IFT172: variants seen among roughly 807,000 people sequenced by gnomAD.
IFT172 encodes the protein intraflagellar transport protein 172 homolog.
IFT172 carries 164 observed loss-of-function variants against 248.9 expected under a neutral mutation model. The ratio of observed to expected loss-of-function variants is 0.66; its 90% CI spans 0.58 to 0.75. The LOEUF (loss-of-function observed/expected upper bound fraction) is 0.75. Ranked by LOEUF, IFT172 falls within the 30% of genes least tolerant of loss-of-function variation. IFT172 has a pLI of 0.00. For missense variants in IFT172, 1,950 were observed against 2,192.4 expected, an observed-to-expected ratio of 0.89 and a Z score of 2.21; for synonymous variants, 729 against 791.6, an observed-to-expected ratio of 0.92 and a Z score of 1.33.
intron 42 of IFT172, among the ~76,000 whole-genome samples, chr2:27,446,662 C>T (rs1469477827): frequency 1.4e-5 from 2 of 142,344 alleles, no homozygotes; most frequent in Non-Finnish European, 3.0e-5. Context: ...TACAAGCGCA[C>T]ATTACCATGC....
chr2:27,449,023 CT>C lies in IFT172; in HGVS notation c.4319del (p.Lys1440ArgfsTer14). On this transcript the variant is annotated frameshift_variant, in exon 40 of 48. Coordinates refer to ENST00000260570, the MANE Select transcript of IFT172 (RefSeq NM_015662.3). LOFTEE classifies it high-confidence loss of function. ...CIETATKQNYKILHKYVALYA... is the reference protein window; with the variant it reads ...CIETATKQNYXILHKYVALYA... ...ACAAAGCCACATACTTGTGCAGAAT[CT>C]TGTAGTTCTGTACAGGGGTGGAGGA... 1 of 1,580,874 alleles carries C rather than the reference CT, an allele frequency of 6.3e-7. No individual in the cohort carries two copies.
rs1572722884 is a variant in IFT172, at chr2:27,449,550, A to G, written c.4173T>C (p.Tyr1391=). The G allele has an allele frequency of 6.2e-7, 1 of 1,614,202 alleles. No individual in the cohort carries two copies. Among genetic ancestry groups the G allele is most frequent in the Non-Finnish European group, 8.5e-7 (1 of 1,180,022 alleles). Residue 1391 remains tyrosine (Y), a synonymous_variant, in exon 38 of 48, where the codon TAT becomes TAC. Coordinates refer to ENST00000260570, the MANE Select transcript of IFT172 (RefSeq NM_015662.3). Reference sequence around the variant, plus strand: ...GGAACTCTTTATAATGCTGGTCCACATAGTCTTCATACCTGTGAAGATGTT... The same window carrying G: ...GGAACTCTTTATAATGCTGGTCCACGTAGTCTTCATACCTGTGAAGATGTT... ...AKELDPRYED[Y]VDQHYKEFLK... is the part of the protein sequence containing the mutation.
Position 27,457,912 on chromosome 2 carries a change from C to A in IFT172, c.3040G>T (p.Asp1014Tyr). ...TTCCCTACCAGGCGGATCATGTCAT[C>A]ATACAACTTGTGCTTTTTGTACATG... ...ITMYKKHKLY[D>Y]DMIRLVGKHH... Residue 1014 changes from aspartate to tyrosine, a missense_variant, in exon 28 of 48, where the codon GAT becomes TAT. Coordinates refer to ENST00000260570, the MANE Select transcript of IFT172 (RefSeq NM_015662.3). 1 of 1,614,194 alleles carries A rather than the reference C, an allele frequency of 6.2e-7. No homozygotes were observed. The highest frequency in any genetic ancestry group is 8.5e-7 in the Non-Finnish European group (1 of 1,180,032).
At position 27,457,886 on chromosome 2, in the gene IFT172, C is replaced by G. The variant is rs1187626381; in HGVS notation, c.3066G>C (p.Lys1022Asn). ...LYDDMIRLVG[K>N]HHPDLLSDTH... ...TATCACTGAGGAGATCTGGATGGTG[C>G]TTCCCTACCAGGCGGATCATGTCAT... is the stretch of plus-strand genomic sequence containing the variant. The change falls in exon 28 of 48, where the codon AAG becomes AAC. Residue 1022 changes from lysine (K) to asparagine (N), a missense_variant. Lys to Asn is a moderately conservative substitution (Grantham distance 94). This residue lies in a region of IFT172 where 164 missense variants were observed against 239.3 expected (regional missense o/e 0.69). Coordinates refer to ENST00000260570, the MANE Select transcript of IFT172 (RefSeq NM_015662.3). 1 of 1,614,034 alleles carries G rather than the reference C, an allele frequency of 6.2e-7. No individual in the cohort carries two copies. The highest frequency in any genetic ancestry group is 1.3e-5 in the African/African-American group (1 of 74,902).
intron 29 of IFT172, 32 bp from the exon 30 acceptor site, chr2:27,456,685 A>G: frequency 6.2e-7 from 1 of 1,604,582 alleles, no homozygotes; most frequent in South Asian, 1.1e-5. Flanking sequence ...TAATCCTGCA[A>G]TACAGAGCTT....
intron 30 of IFT172, chr2:27,455,829 T>G: frequency 4.3e-6 from 2 of 467,914 alleles, no homozygotes; most frequent in South Asian, 1.7e-5. Context: ...GACAGCAACA[T>G]ATAGGAGGGA....
At position 27,449,614 on chromosome 2, in the gene IFT172, C is replaced by T. The variant is rs768299433; in HGVS notation, c.4161-52G>A. 3.1e-6 allele frequency: 5 copies of T among 1,612,688 alleles called. No homozygotes were observed. In the African/African-American group the frequency reaches 6.7e-5, roughly 22 times the overall value. On this transcript the variant is annotated intron_variant, in intron 37 of 47. Coordinates refer to ENST00000260570, the MANE Select transcript of IFT172 (RefSeq NM_015662.3). ...CTTCATGTTCCAGAATACCAACCCT[C>T]CCGGTAAGACTTTCTCCCAGTCTTT... is the stretch of plus-strand genomic sequence containing the variant.
chr2:27,457,184 A>G (rs1666229574), intron 29 of IFT172, among the ~76,000 whole-genome samples: 1 of 152,244 alleles, frequency 6.6e-6, no homozygotes, highest in Admixed American at 6.5e-5. Flanking sequence ...AATTTTCTGT[A>G]TACAGATGTG....
chr2:27,462,445 G>C (rs1424401636), intron 20 of IFT172, among the ~76,000 whole-genome samples: 4 of 152,208 alleles, frequency 2.6e-5, no homozygotes, highest in African/African-American at 9.7e-5. Flanking sequence ...GACTGGAGGG[G>C]AGGTAGTAGA....
intron 34 of IFT172, 30 bp downstream of exon 34, chr2:27,453,599 GC>G: frequency 6.2e-7 from 1 of 1,606,268 alleles, no homozygotes; most frequent in Non-Finnish European, 8.5e-7. Flanking sequence ...TCCCAGCCCT[GC>G]CAATGCTGCC....
intron 42 of IFT172, among the ~76,000 whole-genome samples, chr2:27,446,921 G>C (rs1433751249): frequency 6.6e-6 from 1 of 151,690 alleles, no homozygotes; most frequent in African/African-American, 2.4e-5. Context: ...GGATGGTCTC[G>C]ATCTCCTGAC....
chr2:27,447,792 C>G lies in IFT172; in HGVS notation c.4539+20G>C. The G allele has an allele frequency of 6.3e-7, 1 of 1,595,412 alleles. No homozygotes were observed. The highest frequency in any genetic ancestry group is 8.6e-7 in the Non-Finnish European group (1 of 1,162,896). ...GAGATGAGGACAAGGACAGACGGAG[C>G]AGCCCTTTCGCTTCCTCACCAGGTT... On this transcript the variant is annotated intron_variant, in intron 41 of 47. Coordinates refer to ENST00000260570, the MANE Select transcript of IFT172 (RefSeq NM_015662.3).
rs1305821240 is a variant in IFT172 at position 27,461,303 on chromosome 2, G to A, written c.2408C>T (p.Thr803Ile). Residue 803 changes from threonine to isoleucine, a missense_variant, in exon 22 of 48, where the codon ACT becomes ATT. By Grantham distance (89) the Thr-to-Ile change is moderately conservative. Transcript: ENST00000260570. ...GAGTTCCCCCTTGATAAGGGCTGCAGTGATGTGTTCTACCAGCTCTGTGTT... is the reference window on the plus strand; with the variant it reads ...GAGTTCCCCCTTGATAAGGGCTGCAATGATGTGTTCTACCAGCTCTGTGTT... The part of the protein sequence containing the change: ...LANTELVEHI[T>I]AALIKGELYE... 3 of 1,614,186 alleles carry A rather than the reference G, an allele frequency of 1.9e-6. No homozygotes were observed. The highest frequency in any genetic ancestry group is 2.5e-6 in the Non-Finnish European group (3 of 1,180,024).
chr2:27,487,918 C>A (rs1319033513), intron 1 of IFT172, among the ~76,000 whole-genome samples: 1 of 152,080 alleles, frequency 6.6e-6, no homozygotes, highest in Non-Finnish European at 1.5e-5. Context: ...ATGTGTAAAT[C>A]CATAAACCAT....
intron 2 of IFT172, 98 bp downstream of exon 2, chr2:27,485,262 C>A: frequency 6.4e-7 from 1 of 1,571,324 alleles, no homozygotes; most frequent in Non-Finnish European, 8.7e-7. Flanking sequence ...GTGGGGTATG[C>A]CATTTCCTAT....
Position 27,461,277 on chromosome 2 carries a change from A to G in IFT172, c.2434T>C (p.Tyr812His). ...AAAGGAAGCCAGCATACCCTTTCGTAGAGTTCCCCCTTGATAAGGGCTGCA... is the reference window on the plus strand; with the variant it reads ...AAAGGAAGCCAGCATACCCTTTCGTGGAGTTCCCCCTTGATAAGGGCTGCA... ...ITAALIKGEL[Y>H]ERAGDLFEKI... is the part of the protein sequence containing the mutation. The change falls in exon 22 of 48, where the codon TAC becomes CAC. Residue 812 changes from tyrosine (Y) to histidine (H), a missense_variant. Physicochemically the swap from Tyr to His is moderately conservative, Grantham distance 83 (BLOSUM62 2). Around this residue, in one of 3 missense-constraint regions of IFT172, gnomAD observed 1,166 missense variants for 1,254.1 expected, o/e 0.93. Coordinates refer to ENST00000260570, the MANE Select transcript of IFT172 (RefSeq NM_015662.3). The G allele has an allele frequency of 1.2e-6, 2 of 1,614,052 alleles. No individual in the cohort carries two copies. The highest frequency in any genetic ancestry group is 1.7e-6 in the Non-Finnish European group (2 of 1,179,960).
intron 40 of IFT172, 25 bp downstream of exon 40, chr2:27,448,890 T>C (rs1339168383): frequency 9.1e-7 from 1 of 1,103,342 alleles, no homozygotes; most frequent in East Asian, 2.3e-5. Flanking sequence ...TGTGGAAACA[T>C]TCAACCCAAG....
chr2:27,458,026 A>C (rs1246058222), intron 27 of IFT172, 50 bp from the exon 28 acceptor site: 3 of 1,613,590 alleles, frequency 1.9e-6, no homozygotes, highest in African/African-American at 2.7e-5. Context: ...CCCTGCTATC[A>C]CTGCCTTCTG....
rs1021041354 is a variant in IFT172, at chr2:27,445,100, G to A, written c.5074C>T (p.Pro1692Ser). 1.9e-6 allele frequency: 3 copies of A among 1,613,996 alleles called. No homozygotes were observed. Among genetic ancestry groups the A allele is most frequent in the South Asian group, 1.1e-5 (1 of 91,038 alleles). The change falls in exon 47 of 48, where the codon CCC (proline) becomes TCC (serine). Residue 1692 changes from proline (P) to serine (S), a missense_variant. Physicochemically the swap from Pro to Ser is moderately conservative, Grantham distance 74. Transcript: ENST00000260570. This position sits in a 1 kb window ranked among gnomAD's most constrained non-coding sequence, Gnocchi z 4.4. ...AATTCAATTTTGTTCCTCAGAATGG[G>A]GTATCCTGTGGAGGAAGAAAAAATG... Reference protein sequence around the residue: ...RALPCLITGYPILRNKIEFKR... With the variant: ...RALPCLITGYSILRNKIEFKR...
Sources: allele counts gnomAD v4.1 joint callset (sites outside exome capture counted in the v4.1 genomes callset), GRCh38; gene constraint gnomAD v4.1.1; regional missense constraint gnomAD v4.1.1; non-coding constraint Gnocchi (gnomAD v3.1); transcripts MANE v1.5; gene names NCBI Gene and HGNC (gene_info 2026-07-23, HGNC 2026-07-21).